The following KANSL1 variants were observed in gnomAD, a reference collection of about 807,000 sequenced individuals.
The protein encoded by KANSL1 is MLL1/MLL complex subunit KANSL1.
KANSL1 carries 22 observed loss-of-function variants against 103.6 expected under a neutral mutation model. That is an observed-to-expected ratio of 0.21 (90% CI 0.15 to 0.30). The LOEUF (loss-of-function observed/expected upper bound fraction) is 0.30. Among genes scored for constraint, KANSL1 ranks in the 10% least tolerant of loss-of-function variants. The probability of loss-of-function intolerance (pLI) is 1.00; values close to 1 mark genes in which losing one functional copy is unlikely to be tolerated. For synonymous variants in KANSL1, 600 were observed against 527.6 expected, an observed-to-expected ratio of 1.14 and a Z score of -1.88; for missense variants, 1,337 against 1,399.8, an observed-to-expected ratio of 0.96 and a Z score of 0.72.
intron 6 of KANSL1, among the ~76,000 whole-genome samples, chr17:46,058,863 CCAACATGG>C (rs1368395342): frequency 1.3e-5 from 2 of 151,030 alleles, no homozygotes; most frequent in African/African-American, 4.9e-5. Flanking sequence ...AAGAACCTGG[CCAACATGG>C]CGAAAACCCA....
At chr17:46,049,240 CTTTTTTTTTTTTTT>C (rs34418861) in intron 7 of KANSL1, among the ~76,000 whole-genome samples, 2 of 75,768 alleles carry the variant, frequency 2.6e-5, no homozygotes, top group African/African-American at 5.5e-5. Context: ...CATCCAAGAC[CTTTTTTTTTTTTTT>C]TTTTTTTTTT....
chr17:46,046,513 AGAGT>A (rs1263180095), intron 7 of KANSL1, among the ~76,000 whole-genome samples: 1 of 124,308 alleles, frequency 8.0e-6, no homozygotes, highest in African/African-American at 3.0e-5. Context: ...CCTGAGTGAC[AGAGT>A]GAGACTCTGT....
At chr17:46,036,019 G>A (rs1339824665) in intron 10 of KANSL1, 1 of 131,056 alleles carries the variant, frequency 7.6e-6, no homozygotes, top group Non-Finnish European at 1.7e-5. Flanking sequence ...ACATTAAGGA[G>A]TATTTTTTAA....
At position 46,034,266 on chromosome 17, in the gene KANSL1, C is replaced by T. The variant is rs753288133; in HGVS notation, c.2561G>A (p.Arg854Lys). The change falls in exon 11 of 15, where the codon AGA becomes AAA. Residue 854 changes from arginine to lysine, a missense_variant. This residue lies in a region of KANSL1 where 780 missense variants were observed against 923.4 expected (regional missense o/e 0.84). Coordinates refer to ENST00000432791, the MANE Select transcript of KANSL1 (RefSeq NM_015443.4). ...AATATCAAATGAGCTCTCTCCCCTT[C>T]TCCTCCTTACTGGCTGCTGCTGTAA... is the stretch of plus-strand genomic sequence containing the variant. ...ASTSQQPVRR[R>K]RGESSFDINN... 2.5e-6 allele frequency: 4 copies of T among 1,613,842 alleles called. No homozygotes were observed. Among genetic ancestry groups the T allele is most frequent in the Non-Finnish European group, 8.5e-7 (1 of 1,179,970 alleles).
At chr17:46,146,693 C>T (rs942043679) in intron 2 of KANSL1, among the ~76,000 whole-genome samples, 2 of 144,148 alleles carry the variant, frequency 1.4e-5, no homozygotes, top group African/African-American at 4.9e-5. Context: ...ATTAGCCGGG[C>T]GTAGTGGCGG....
chr17:46,128,820 G>A (rs1047392654), intron 2 of KANSL1, among the ~76,000 whole-genome samples: 3 of 152,200 alleles, frequency 2.0e-5, no homozygotes, highest in East Asian at 1.9e-4. Context: ...CTCACGATAT[G>A]GAGTTTGAAT....
chr17:46,082,603 AG>A, intron 3 of KANSL1, 61 bp from the exon 4 acceptor site: 1 of 965,530 alleles, frequency 1.0e-6, no homozygotes, highest in Non-Finnish European at 1.6e-6. Context: ...AATTTAATTT[AG>A]GAGTTAAGTC....
At chr17:46,042,363 T>G (rs988830623) in intron 7 of KANSL1, 1 of 152,244 alleles carries the variant, frequency 6.6e-6, no homozygotes, top group Non-Finnish European at 1.5e-5. Context: ...TTTATCATCA[T>G]GCGTGTGCCA....
intron 2 of KANSL1, among the ~76,000 whole-genome samples, chr17:46,115,802 A>G (rs1446542263): frequency 6.6e-6 from 1 of 152,218 alleles, no homozygotes; most frequent in African/African-American, 2.4e-5. Context: ...TTTAACATTT[A>G]CCCCAGAGAT....
intron 1 of KANSL1, among the ~76,000 whole-genome samples, chr17:46,172,866 G>T (rs2046354641): frequency 6.6e-6 from 1 of 152,190 alleles, no homozygotes; most frequent in South Asian, 2.1e-4. Flanking sequence ...CTCAGCCTAG[G>T]AATTTACTCA....
At chr17:46,104,354 G>A (rs1004376087) in intron 2 of KANSL1, among the ~76,000 whole-genome samples, 17 of 152,196 alleles carry the variant, frequency 1.1e-4, no homozygotes, top group African/African-American at 2.6e-4. Context: ...TAAAACCCAC[G>A]TCTCTCCAGG....
chr17:46,102,441 G>A (rs2042364029), intron 2 of KANSL1, among the ~76,000 whole-genome samples: 1 of 152,058 alleles, frequency 6.6e-6, no homozygotes, highest in Non-Finnish European at 1.5e-5. Flanking sequence ...GTAGAGATGG[G>A]GTTTTGCCGT....
At chr17:46,190,040 G>A (rs1268413633) in intron 1 of KANSL1, among the ~76,000 whole-genome samples, 3 of 152,058 alleles carry the variant, frequency 2.0e-5, no homozygotes, top group Admixed American at 6.5e-5. Flanking sequence ...TGTTTACAGA[G>A]TACACAAATC....
Position 46,030,591 on chromosome 17 carries a change from A to G in KANSL1, c.*885T>C, listed in dbSNP as rs1249866659. The G allele has an allele frequency of 7.9e-5, 7 of 88,538 alleles. No homozygotes were observed. Among genetic ancestry groups the G allele is most frequent in the Non-Finnish European group, 1.1e-4 (5 of 46,624 alleles). 5.5% of individuals were successfully genotyped at this position (88,538 alleles called of 1,614,324 possible). On this transcript the variant is annotated 3_prime_UTR_variant, in exon 15 of 15. Transcript: ENST00000432791. ...AAACATGGCAAAGTGAATCAGAGGG[A>G]AAAAAAAAAAAAATCACACAGGGAG...
intron 2 of KANSL1, among the ~76,000 whole-genome samples, chr17:46,116,287 T>G (rs2043043410): frequency 6.6e-6 from 1 of 152,208 alleles, no homozygotes. Context: ...TCCCAGCACT[T>G]TGGGAGGCCA....
intron 2 of KANSL1, among the ~76,000 whole-genome samples, chr17:46,167,066 A>C (rs957891062): frequency 2.0e-5 from 3 of 151,494 alleles, no homozygotes; most frequent in African/African-American, 7.3e-5. Context: ...AAAAAAAAAA[A>C]AACTTAGGAG....
chr17:46,064,280 A>C (rs148937243), intron 6 of KANSL1, among the ~76,000 whole-genome samples: 2 of 152,288 alleles, frequency 1.3e-5, no homozygotes, highest in Admixed American at 1.3e-4. Flanking sequence ...TAAAACAAGG[A>C]AAGTACTGAA....
rs367998611 is a variant in KANSL1 at position 46,031,088 on chromosome 17, C to A, written c.*388G>T. ...CCAGAGCACCCTGCCCCATTCCACCCTAGCTCAAGAAGGCCATGCTAAACT... is the reference window on the plus strand; with the variant it reads ...CCAGAGCACCCTGCCCCATTCCACCATAGCTCAAGAAGGCCATGCTAAACT... On this transcript the variant is annotated 3_prime_UTR_variant, in exon 15 of 15. Coordinates refer to ENST00000432791, the MANE Select transcript of KANSL1 (RefSeq NM_015443.4). 138 of 216,534 alleles carry A rather than the reference C, an allele frequency of 6.4e-4. 1 individual carries two copies. The South Asian group carries it at 0.012, about 19-fold the overall frequency. 13.4% of individuals were successfully genotyped at this position (216,534 alleles called of 1,614,324 possible).
At chr17:46,089,224 A>G (rs931024476) in intron 3 of KANSL1, among the ~76,000 whole-genome samples, 2 of 152,206 alleles carry the variant, frequency 1.3e-5, no homozygotes, top group Non-Finnish European at 1.5e-5. Context: ...AGAGTACAAC[A>G]GCATGCAGAA....
Sources: gnomAD v4.1 joint callset for allele counts (sites outside exome capture counted in the v4.1 genomes callset) on GRCh38, gnomAD v4.1.1 for gene constraint, gnomAD v4.1.1 regional missense constraint, MANE v1.5 for transcripts, NCBI Gene and HGNC (gene_info 2026-07-23, HGNC 2026-07-21) for gene names.